The following CFAP69 variants were observed in gnomAD, a reference collection of about 807,000 sequenced individuals.
The protein encoded by CFAP69 is cilia- and flagella-associated protein 69.
A neutral mutation model predicts 123.0 loss-of-function variants in CFAP69; 92 were observed. The observed-to-expected ratio is 0.75, with a 90% CI of 0.63 to 0.89. The LOEUF (loss-of-function observed/expected upper bound fraction) is 0.89. Ranked by LOEUF, CFAP69 falls within the 40% of genes least tolerant of loss-of-function variation. CFAP69 has a pLI of 0.00. For synonymous variants in CFAP69, 380 were observed against 364.3 expected, an observed-to-expected ratio of 1.04 and a Z score of -0.49; for missense variants, 1,067 against 1,096.9, an observed-to-expected ratio of 0.97 and a Z score of 0.39.
chr7:90,265,032 T>A (rs978238634), intron 4 of CFAP69, among the ~76,000 whole-genome samples: 11 of 152,156 alleles, frequency 7.2e-5, no homozygotes, highest in African/African-American at 2.7e-4. Flanking sequence ...GACCTCGTGA[T>A]CCACCCACCT....
chr7:90,290,186 G>A (rs1790921616), intron 15 of CFAP69, among the ~76,000 whole-genome samples: 1 of 152,102 alleles, frequency 6.6e-6, no homozygotes, highest in Admixed American at 6.6e-5. Flanking sequence ...TTTATCATAA[G>A]GAATTGGCTC....
At chr7:90,262,595 T>A (rs1291919089) in intron 4 of CFAP69, among the ~76,000 whole-genome samples, 1 of 152,098 alleles carries the variant, frequency 6.6e-6, no homozygotes, top group African/African-American at 2.4e-5. Flanking sequence ...CTCTAACAAG[T>A]TCTGGGAACT....
At chr7:90,289,815 T>C (rs1244984096) in intron 15 of CFAP69, among the ~76,000 whole-genome samples, 1 of 152,198 alleles carries the variant, frequency 6.6e-6, no homozygotes, top group Non-Finnish European at 1.5e-5. Flanking sequence ...TAAGGTGAGG[T>C]ACAAGTTTTA....
At chr7:90,259,891 T>C (rs1798098077) in intron 3 of CFAP69, among the ~76,000 whole-genome samples, 1 of 152,194 alleles carries the variant, frequency 6.6e-6, no homozygotes, top group African/African-American at 2.4e-5. Context: ...TCTCACTTTA[T>C]GTATTCATTT....
At chr7:90,286,532 TA>T in intron 14 of CFAP69, 133 bp downstream of exon 14, 6 of 903,610 alleles carry the variant, frequency 6.6e-6, no homozygotes, top group African/African-American at 1.7e-5. Flanking sequence ...AGCATAATTA[TA>T]TAAAGTAAAA....
chr7:90,276,085 T>G (rs2116981557), intron 9 of CFAP69: 1 of 152,334 alleles, frequency 6.6e-6, no homozygotes, highest in African/African-American at 2.4e-5. Flanking sequence ...ATTTTATAAT[T>G]AAAAATCATT....
At chr7:90,291,885 A>T (rs1021582241) in intron 15 of CFAP69, among the ~76,000 whole-genome samples, 1 of 152,180 alleles carries the variant, frequency 6.6e-6, no homozygotes, top group Non-Finnish European at 1.5e-5. Flanking sequence ...TCTGGTTTTC[A>T]CATTACCTAG....
chr7:90,279,968 A>G (rs1789221365), intron 12 of CFAP69, 75 bp downstream of exon 12: 1 of 1,087,190 alleles, frequency 9.2e-7, no homozygotes, highest in African/African-American at 1.6e-5. Context: ...TATGCATAGA[A>G]ATAACAATGA....
In CFAP69 at chr7:90,271,538, C is replaced by T. The variant is rs201138649; in HGVS notation, c.545C>T (p.Ala182Val). 124 of 1,610,726 alleles carry T rather than the reference C, an allele frequency of 7.7e-5. No homozygotes were observed. Among genetic ancestry groups the T allele is most frequent in the Non-Finnish European group, 9.7e-5 (114 of 1,179,040 alleles). Residue 182 changes from alanine to valine, a missense_variant, in exon 7 of 23, where the codon GCG becomes GTG. Physicochemically the swap from Ala to Val is moderately conservative, Grantham distance 64 (BLOSUM62 0). Coordinates refer to ENST00000389297, the MANE Select transcript of CFAP69 (RefSeq NM_001039706.3). ...GAATTGTTGTTAGGTTACCAGCAAG[C>T]GAGTTCATCATACAAGATTCAAATG... Reference protein sequence around the residue: ...PKKHIPGYQQASSSYKIQMAE... With the variant: ...PKKHIPGYQQVSSSYKIQMAE...
intron 8 of CFAP69, among the ~76,000 whole-genome samples, chr7:90,272,993 G>A (rs1450236992): frequency 6.6e-6 from 1 of 152,174 alleles, no homozygotes; most frequent in Non-Finnish European, 1.5e-5. Flanking sequence ...AGGAGTAAAT[G>A]CCTAAATAAA....
chr7:90,277,042 T>A (rs754227889), intron 9 of CFAP69, 31 bp from the exon 10 acceptor site: 1 of 1,460,392 alleles, frequency 6.8e-7, no homozygotes, highest in Non-Finnish European at 9.3e-7. Context: ...TATTCATTCA[T>A]CTTTCTGCTT....
At chr7:90,268,166 C>A in intron 5 of CFAP69, 120 bp from the exon 6 acceptor site, 1 of 617,658 alleles carries the variant, frequency 1.6e-6, no homozygotes, top group South Asian at 2.1e-5. Context: ...TGAACATGAT[C>A]CAGTTTGAAT....
At chr7:90,270,913 C>T (rs1281399949) in intron 6 of CFAP69, among the ~76,000 whole-genome samples, 1 of 152,042 alleles carries the variant, frequency 6.6e-6, no homozygotes, top group Admixed American at 6.6e-5. Flanking sequence ...CCCTAAAATA[C>T]TATTAAATTC....
chr7:90,294,459 A>C (rs555577695), intron 15 of CFAP69, among the ~76,000 whole-genome samples: 1 of 152,268 alleles, frequency 6.6e-6, no homozygotes, highest in African/African-American at 2.4e-5. Flanking sequence ...TATAAACATC[A>C]CACACATAAT....
chr7:90,297,648 A>G, intron 15 of CFAP69, 101 bp from the exon 16 acceptor site: 1 of 718,122 alleles, frequency 1.4e-6, no homozygotes, highest in South Asian at 2.0e-5. Flanking sequence ...AAGAAAATGA[A>G]GAAAACATAT....
chr7:90,247,891 C>T (rs1796525021), intron 1 of CFAP69, among the ~76,000 whole-genome samples: 1 of 152,092 alleles, frequency 6.6e-6, no homozygotes, highest in Non-Finnish European at 1.5e-5. Flanking sequence ...TATAAGCAAA[C>T]TTATACAATA....
At chr7:90,294,653 G>A (rs564475318) in intron 15 of CFAP69, among the ~76,000 whole-genome samples, 2 of 152,300 alleles carry the variant, frequency 1.3e-5, no homozygotes, top group East Asian at 3.9e-4. Flanking sequence ...GGGACTTGCA[G>A]CAAAGTTTGT....
intron 13 of CFAP69, among the ~76,000 whole-genome samples, chr7:90,284,180 C>T (rs947106187): frequency 2.0e-5 from 3 of 151,986 alleles, no homozygotes; most frequent in African/African-American, 7.2e-5. Flanking sequence ...GAACCTTTTC[C>T]CTTTAACCGG....
downstream of CFAP69, among the ~76,000 whole-genome samples, chr7:90,314,271 A>G (rs951086356): frequency 6.6e-6 from 1 of 152,160 alleles, no homozygotes; most frequent in African/African-American, 2.4e-5. Context: ...TTTAGTTAAT[A>G]TTGTATTGGT....
Sources: gnomAD v4.1 joint callset for allele counts (sites outside exome capture counted in the v4.1 genomes callset) on GRCh38, gnomAD v4.1.1 for gene constraint, MANE v1.5 for transcripts, NCBI Gene and HGNC (gene_info 2026-07-23, HGNC 2026-07-21) for gene names.